Variants in CELA3B observed in about 807,000 individuals in gnomAD.
CELA3B encodes chymotrypsin like elastase 3B.
Under a neutral mutation model 37.2 loss-of-function variants are expected in CELA3B, and 34 were observed. The ratio of observed to expected loss-of-function variants is 0.91; its 90% CI spans 0.70 to 1.22. CELA3B has a LOEUF of 1.22. CELA3B is among the 50% of genes most tolerant of loss of function. The pLI is 0.00. For missense variants in CELA3B, 340 were observed against 363.1 expected (o/e 0.94, Z 0.52); for synonymous variants, 127 against 143.5 (o/e 0.89, Z 0.82).
rs764175699 is a variant in CELA3B, at chr1:21,978,427, T to C, written c.102T>C (p.Asp34=). The C allele has an allele frequency of 1.9e-6, 3 of 1,614,078 alleles. No homozygotes were observed. The highest frequency in any genetic ancestry group is 2.5e-6 in the Non-Finnish European group (3 of 1,179,944). The part of the protein sequence containing the change: ...RPSSRVVNGE[D]AVPYSWPWQV... ...CCAGCCGCGTTGTCAATGGTGAGGA[T>C]GCGGTCCCCTACAGCTGGCCCTGGC... The change falls in exon 2 of 8, where the codon GAT becomes GAC. Residue 34 remains aspartate, a synonymous_variant. Transcript: ENST00000337107.
intron 7 of CELA3B, chr1:21,988,032 G>A (rs1295373631): frequency 1.3e-5 from 2 of 148,258 alleles, no homozygotes; most frequent in African/African-American, 2.5e-5. Flanking sequence ...CCGACATGGT[G>A]AAACCCCATC....
At chr1:21,992,080 A>G (rs1351737346), downstream of CELA3B, among the ~76,000 whole-genome samples, 1 of 151,102 alleles carries the variant, frequency 6.6e-6, no homozygotes, top group East Asian at 1.9e-4. Flanking sequence ...AGATCATGCC[A>G]TTGCACTCCA....
chr1:21,979,459 T>C (rs1189049964), intron 2 of CELA3B, among the ~76,000 whole-genome samples: 4 of 146,168 alleles, frequency 2.7e-5, no homozygotes, highest in East Asian at 2.0e-4. Flanking sequence ...TTTTCTTTTT[T>C]TTTTTTTTTT....
downstream of CELA3B, among the ~76,000 whole-genome samples, chr1:21,993,655 C>T (rs888551730): frequency 3.4e-5 from 5 of 148,166 alleles, no homozygotes; most frequent in African/African-American, 1.3e-4. Context: ...GTGATCCTCG[C>T]ACCTCAACCT....
Position 21,981,060 on chromosome 1 carries a change from G to A in CELA3B, c.250G>A (p.Val84Met), listed in dbSNP as rs147301723. 7.0e-5 allele frequency: 113 copies of A among 1,614,132 alleles called. 2 individuals carry two copies. The African/African-American group carries it at 1.3e-3, about 19-fold the overall frequency. ...CAGGAGCTCCCGGACCTACCAGGTGGTGTTGGGCGAGTACGACCGTGCTGT... is the reference window on the plus strand; with the variant it reads ...CAGGAGCTCCCGGACCTACCAGGTGATGTTGGGCGAGTACGACCGTGCTGT... Reference protein sequence around the residue: ...CISSSRTYQVVLGEYDRAVKE... With the variant: ...CISSSRTYQVMLGEYDRAVKE... The change falls in exon 4 of 8, where the codon GTG (valine) becomes ATG (methionine). Residue 84 changes from valine to methionine, a missense_variant. Physicochemically the swap from Val to Met is conservative, Grantham distance 21. Transcript: ENST00000337107.
At chr1:21,981,845 C>T (rs569170810) in intron 4 of CELA3B, among the ~76,000 whole-genome samples, 7 of 152,132 alleles carry the variant, frequency 4.6e-5, no homozygotes, top group Admixed American at 2.0e-4. Context: ...CCTGCCTCAG[C>T]GTCCCGAGTA....
rs766959760 is a variant in CELA3B at position 21,984,229 on chromosome 1, G to A, written c.540G>A (p.Leu180=). The A allele has an allele frequency of 1.4e-5, 23 of 1,614,148 alleles. No individual in the cohort carries two copies. In the East Asian group the frequency reaches 2.7e-4, roughly 19 times the overall value. The change falls in exon 6 of 8, where the codon CTG becomes CTA. Residue 180 remains leucine (L), a synonymous_variant. Coordinates refer to ENST00000337107, the MANE Select transcript of CELA3B (RefSeq NM_007352.4). ...CAGACAAGCTGCAGGAGGCCCTGCT[G>A]CCGGTGGTGGACTATGAACACTGCT... The part of the protein sequence containing the change: ...PLPDKLQEAL[L]PVVDYEHCSR...
intron 4 of CELA3B, among the ~76,000 whole-genome samples, chr1:21,995,941 G>A (rs112540498): frequency 0.023 from 3,314 of 142,292 alleles, 60 homozygotes; most frequent in Non-Finnish European, 0.034. Flanking sequence ...CAGGCTGGGC[G>A]CAGTGGCTCA....
intron 6 of CELA3B, among the ~76,000 whole-genome samples, chr1:21,985,415 G>A (rs7520526): frequency 0.43 from 65,602 of 151,616 alleles, 15,609 homozygotes; most frequent in East Asian, 0.66. Flanking sequence ...GCAGCCAAGA[G>A]TACAAGTGTG....
At chr1:21,996,481 A>G (rs1198239622) in intron 4 of CELA3B, among the ~76,000 whole-genome samples, 2 of 151,252 alleles carry the variant, frequency 1.3e-5, no homozygotes, top group Non-Finnish European at 2.9e-5. Context: ...ATGGCCTAAA[A>G]TAAGGGGAGG....
At chr1:21,985,666 C>T (rs193011117) in intron 6 of CELA3B, among the ~76,000 whole-genome samples, 1,896 of 151,210 alleles carry the variant, frequency 0.013, 38 homozygotes, top group African/African-American at 0.041. Context: ...CCGAGCCGGG[C>T]GGATCACGAG....
chr1:21,992,912 CTGT>C (rs960134207), downstream of CELA3B, among the ~76,000 whole-genome samples: 1 of 148,568 alleles, frequency 6.7e-6, no homozygotes, highest in Non-Finnish European at 1.5e-5. Flanking sequence ...CTGCAGTGAG[CTGT>C]GATTGCACCA....
At chr1:21,991,980 TG>T (rs1644870738), downstream of CELA3B, among the ~76,000 whole-genome samples, 1 of 150,076 alleles carries the variant, frequency 6.7e-6, no homozygotes, top group Admixed American at 6.6e-5. Flanking sequence ...ATTAGGCAGG[TG>T]TGGTGGTGGG....
chr1:21,978,665 A>T (rs1370806736), intron 2 of CELA3B, among the ~76,000 whole-genome samples: 1 of 152,150 alleles, frequency 6.6e-6, no homozygotes, highest in African/African-American at 2.4e-5. Context: ...TTAAAAGTGG[A>T]ATCGGGGGTG....
chr1:21,981,175 G>A lies in CELA3B; in HGVS notation c.362+3G>A, dbSNP rs376314273. 17 of 1,611,474 alleles carry A rather than the reference G, an allele frequency of 1.1e-5. No homozygotes were observed. Among genetic ancestry groups the A allele is most frequent in the Middle Eastern group, 2.2e-4 (1 of 4,480 alleles). On this transcript the variant is annotated splice_donor_region_variant and intron_variant, in intron 4 of 7. Transcript: ENST00000337107. ...AACCGCTCGTGTGTGGCCTGTGGGTGAGTGAATGCTCCGGTCTGGAACCCA... is the reference window on the plus strand; with the variant it reads ...AACCGCTCGTGTGTGGCCTGTGGGTAAGTGAATGCTCCGGTCTGGAACCCA...
intron 4 of CELA3B, among the ~76,000 whole-genome samples, chr1:21,982,377 T>C (rs1173026200): frequency 6.6e-6 from 1 of 152,046 alleles, no homozygotes; most frequent in East Asian, 1.9e-4. Context: ...GGTGGATCAC[T>C]TGAGCTCAGG....
intron 2 of CELA3B, among the ~76,000 whole-genome samples, chr1:21,979,448 CT>C (rs796330030): frequency 1.8e-5 from 2 of 108,554 alleles, no homozygotes; most frequent in Admixed American, 1.2e-4. Flanking sequence ...CTTTTCTTTT[CT>C]TTTCTTTTTT....
chr1:21,986,764 G>C (rs1194640694), intron 7 of CELA3B, 81 bp downstream of exon 7: 22 of 1,481,018 alleles, frequency 1.5e-5, no homozygotes, highest in Non-Finnish European at 2.0e-5. Context: ...TCGGATCCTG[G>C]GGAGGGCCTG....
chr1:21,987,193 G>A (rs1001533503), intron 7 of CELA3B, among the ~76,000 whole-genome samples: 6 of 150,522 alleles, frequency 4.0e-5, no homozygotes, highest in Non-Finnish European at 5.9e-5. Context: ...GAGTAGTCAT[G>A]CCAGTAATCC....
Sources: allele counts gnomAD v4.1 joint callset (sites outside exome capture counted in the v4.1 genomes callset), GRCh38; gene constraint gnomAD v4.1.1; transcripts MANE v1.5; gene names NCBI Gene and HGNC (gene_info 2026-07-23, HGNC 2026-07-21).